Variants in SLC38A4 observed in about 807,000 individuals in gnomAD.
The protein encoded by SLC38A4 is solute carrier family 38 member 4.
A neutral mutation model predicts 63.1 loss-of-function variants in SLC38A4; 20 were observed. The ratio of observed to expected loss-of-function variants is 0.32; its 90% CI spans 0.22 to 0.46. The LOEUF (loss-of-function observed/expected upper bound fraction) is 0.46. SLC38A4 is among the 20% of genes least tolerant of loss of function. The probability of loss-of-function intolerance (pLI) is 1.00; values close to 1 mark genes in which losing one functional copy is unlikely to be tolerated. For missense variants in SLC38A4, 526 were observed against 663.6 expected (o/e 0.79, Z 2.28); for synonymous variants, 230 against 225.5 (o/e 1.02, Z -0.18).
chr12:46,827,373 A>G (rs1369540865), upstream of SLC38A4, among the ~76,000 whole-genome samples: 1 of 152,204 alleles, frequency 6.6e-6, no homozygotes, highest in Non-Finnish European at 1.5e-5. Context: ...AGAGTATTTT[A>G]CAAGCATGGA....
intron 7 of SLC38A4, among the ~76,000 whole-genome samples, chr12:46,783,276 A>ATAG (rs1565667057): frequency 1.2e-4 from 15 of 130,066 alleles, no homozygotes; most frequent in South Asian, 5.3e-4. Flanking sequence ...TAGATAGATA[A>ATAG]AGATAGATAG....
In SLC38A4 at chr12:46,789,305, G is replaced by GT. The variant is rs1038386714; in HGVS notation, c.120-688dup. Among the ~76,000 whole-genome samples the GT allele has an allele frequency of 4.0e-4, 61 of 151,848 alleles. 1 individual carries two copies. The highest frequency in any genetic ancestry group is 1.5e-3 in the African/African-American group (61 of 41,328). On this transcript the variant is annotated intron_variant, in intron 3 of 16. Coordinates refer to ENST00000266579, the MANE Select transcript of SLC38A4 (RefSeq NM_018018.5). ...TTGTGTTGGTTGTTTCTGTGTGTGC[G>GT]TATGTGTTTTAATTACTCTCAAAAT...
At chr12:46,804,886 C>T (rs1939201297) in intron 1 of SLC38A4, among the ~76,000 whole-genome samples, 1 of 151,892 alleles carries the variant, frequency 6.6e-6, no homozygotes, top group Non-Finnish European at 1.5e-5. Context: ...CAAAAAAATT[C>T]CTTTTAAAAT....
At chr12:46,814,167 A>C (rs545967053) in intron 1 of SLC38A4, among the ~76,000 whole-genome samples, 1 of 152,026 alleles carries the variant, frequency 6.6e-6, no homozygotes, top group Non-Finnish European at 1.5e-5. Context: ...AAAATAGATT[A>C]TAGAATTAAA....
At chr12:46,797,893 C>T (rs535885886) in intron 2 of SLC38A4, among the ~76,000 whole-genome samples, 1 of 152,232 alleles carries the variant, frequency 6.6e-6, no homozygotes, top group Admixed American at 6.5e-5. Flanking sequence ...CACCATTTAT[C>T]CAATTATTCA....
At chr12:46,774,845 C>T (rs1938490534) in intron 14 of SLC38A4, among the ~76,000 whole-genome samples, 1 of 151,982 alleles carries the variant, frequency 6.6e-6, no homozygotes, top group Non-Finnish European at 1.5e-5. Flanking sequence ...TTTTCCTACA[C>T]TATAAAAATA....
intron 16 of SLC38A4, among the ~76,000 whole-genome samples, chr12:46,767,979 C>T (rs539998496): frequency 6.6e-6 from 1 of 152,156 alleles, no homozygotes; most frequent in South Asian, 2.1e-4. Context: ...CGCTAGGGAG[C>T]CTAATTCCTT....
At chr12:46,787,494 G>GCA (rs1050073230) in intron 5 of SLC38A4, among the ~76,000 whole-genome samples, 8 of 152,066 alleles carry the variant, frequency 5.3e-5, no homozygotes, top group African/African-American at 1.9e-4. Context: ...AGGGAATGTG[G>GCA]CATCTTCATA....
intron 1 of SLC38A4, among the ~76,000 whole-genome samples, chr12:46,815,063 C>T (rs868321598): frequency 1.3e-5 from 2 of 151,472 alleles, no homozygotes; most frequent in South Asian, 4.2e-4. Context: ...ACCTAAAATG[C>T]TTAAAAAACA....
At chr12:46,772,777 C>T (rs1938445076) in intron 14 of SLC38A4, among the ~76,000 whole-genome samples, 1 of 151,980 alleles carries the variant, frequency 6.6e-6, no homozygotes. Flanking sequence ...AGCCCAGTTA[C>T]CATGTTGAAA....
At chr12:46,806,189 G>C (rs1347680752) in intron 1 of SLC38A4, among the ~76,000 whole-genome samples, 1 of 151,644 alleles carries the variant, frequency 6.6e-6, no homozygotes, top group African/African-American at 2.4e-5. Context: ...TTAGCATGTT[G>C]GATTAAAATT....
At chr12:46,815,249 A>G (rs1939415744) in intron 1 of SLC38A4, among the ~76,000 whole-genome samples, 2 of 17,966 alleles carry the variant, frequency 1.1e-4, no homozygotes, top group African/African-American at 4.1e-4. Context: ...GGATATATAT[A>G]TATATATATA....
At chr12:46,799,781 A>G (rs1939092630) in intron 2 of SLC38A4, among the ~76,000 whole-genome samples, 1 of 152,154 alleles carries the variant, frequency 6.6e-6, no homozygotes, top group Non-Finnish European at 1.5e-5. Flanking sequence ...TCATCTGTCT[A>G]CAGCACAAAG....
intron 13 of SLC38A4, among the ~76,000 whole-genome samples, chr12:46,775,498 T>C (rs1938504621): frequency 6.6e-6 from 1 of 152,028 alleles, no homozygotes; most frequent in South Asian, 2.1e-4. Context: ...TTGAAGGGGA[T>C]GAGAGACCCA....
intron 1 of SLC38A4, among the ~76,000 whole-genome samples, chr12:46,815,795 G>A (rs1483106401): frequency 6.6e-6 from 1 of 151,860 alleles, no homozygotes; most frequent in Admixed American, 6.6e-5. Flanking sequence ...AACATTTCAG[G>A]AATGGTTCCC....
intron 7 of SLC38A4, 93 bp from the exon 8 acceptor site, chr12:46,780,123 C>G (rs929403950): frequency 1.1e-5 from 10 of 936,458 alleles, no homozygotes; most frequent in Admixed American, 1.9e-5. Context: ...AGATGAACAT[C>G]TAATCCCCCA....
intron 12 of SLC38A4, among the ~76,000 whole-genome samples, chr12:46,777,473 G>C (rs1353831787): frequency 6.6e-6 from 1 of 151,970 alleles, no homozygotes; most frequent in Non-Finnish European, 1.5e-5. Context: ...CAATTGTCAG[G>C]CTTCTGGAGT....
At chr12:46,817,563 T>C (rs954797684) in intron 1 of SLC38A4, among the ~76,000 whole-genome samples, 2 of 151,802 alleles carry the variant, frequency 1.3e-5, no homozygotes, top group African/African-American at 2.4e-5. Context: ...CTTGCACTTA[T>C]TGTTGCTCCC....
intron 1 of SLC38A4, among the ~76,000 whole-genome samples, chr12:46,804,433 C>G (rs1939190114): frequency 6.6e-6 from 1 of 151,868 alleles, no homozygotes; most frequent in African/African-American, 2.4e-5. Context: ...AATGTATCAA[C>G]TAGAAACTAT....
Sources: allele counts gnomAD v4.1 joint callset (sites outside exome capture counted in the v4.1 genomes callset), GRCh38; gene constraint gnomAD v4.1.1; transcripts MANE v1.5; gene names NCBI Gene and HGNC (gene_info 2026-07-23, HGNC 2026-07-21).